ATP6V1H: variants seen among roughly 807,000 people sequenced by gnomAD.
The protein encoded by ATP6V1H is V-type proton ATPase subunit H.
Under a neutral mutation model 71.7 loss-of-function variants are expected in ATP6V1H, and 39 were observed. That is an observed-to-expected ratio of 0.54 (90% CI 0.42 to 0.71). The LOEUF is 0.71. Among genes scored for constraint, ATP6V1H ranks in the 30% least tolerant of loss-of-function variants. The pLI, the probability that ATP6V1H is intolerant of heterozygous loss-of-function variation, is 0.00. For synonymous variants in ATP6V1H, 192 were observed against 199.3 expected (o/e 0.96, Z 0.31); for missense variants, 509 against 594.9 (o/e 0.86, Z 1.50).
chr8:53,812,456 T>C (rs1281237389), intron 6 of ATP6V1H, among the ~76,000 whole-genome samples: 1 of 152,230 alleles, frequency 6.6e-6, no homozygotes, highest in Non-Finnish European at 1.5e-5. Context: ...TCCTCCCAGT[T>C]GTTGCACATC....
chr8:53,821,293 A>T, intron 4 of ATP6V1H, among the ~76,000 whole-genome samples: 1 of 151,546 alleles, frequency 6.6e-6, no homozygotes, highest in Non-Finnish European at 1.5e-5. Flanking sequence ...GACTCATTTG[A>T]ACCCGGGAGG....
At chr8:53,788,602 A>C (rs188562185) in intron 9 of ATP6V1H, among the ~76,000 whole-genome samples, 3 of 152,318 alleles carry the variant, frequency 2.0e-5, no homozygotes, top group East Asian at 3.9e-4. Flanking sequence ...CTGTTATTTC[A>C]TGGATTCCTT....
chr8:53,771,270 T>C (rs1049485842), intron 10 of ATP6V1H, among the ~76,000 whole-genome samples: 3 of 152,144 alleles, frequency 2.0e-5, no homozygotes, highest in Non-Finnish European at 2.9e-5. Context: ...CCAAGAGAAG[T>C]TTCTATTTCC....
intron 13 of ATP6V1H, among the ~76,000 whole-genome samples, chr8:53,733,463 C>A (rs187254601): frequency 1.3e-5 from 2 of 152,186 alleles, no homozygotes; most frequent in Non-Finnish European, 2.9e-5. Context: ...TGGGACACCC[C>A]ACAGCAACTG....
intron 9 of ATP6V1H, among the ~76,000 whole-genome samples, chr8:53,787,819 A>C (rs1282132877): frequency 6.6e-6 from 1 of 152,224 alleles, no homozygotes; most frequent in Non-Finnish European, 1.5e-5. Flanking sequence ...ATGCACTATG[A>C]ATAAGTGAGA....
intron 7 of ATP6V1H, among the ~76,000 whole-genome samples, chr8:53,806,145 A>G (rs2170444): frequency 0.18 from 27,300 of 152,112 alleles, 4,112 homozygotes; most frequent in African/African-American, 0.39. Flanking sequence ...AGTAAAAACT[A>G]GAACAAGAAT....
At chr8:53,835,441 G>A (rs1012034910) in intron 2 of ATP6V1H, among the ~76,000 whole-genome samples, 8 of 152,254 alleles carry the variant, frequency 5.3e-5, no homozygotes, top group Admixed American at 4.6e-4. Context: ...ACTTGCATAT[G>A]TCCTACTACT....
At chr8:53,728,216 T>C (rs11990316) in intron 13 of ATP6V1H, among the ~76,000 whole-genome samples, 5 of 152,184 alleles carry the variant, frequency 3.3e-5, no homozygotes, top group African/African-American at 9.7e-5. Flanking sequence ...AAGGTTCCCC[T>C]ACCTCAGCAG....
chr8:53,829,594 T>C (rs1411952277), intron 3 of ATP6V1H, 61 bp from the exon 4 acceptor site: 1 of 1,048,892 alleles, frequency 9.5e-7, no homozygotes, highest in African/African-American at 1.6e-5. Flanking sequence ...TCAATGGAAC[T>C]TCAGTAAAAC....
chr8:53,841,456 G>A, intron 2 of ATP6V1H, 122 bp downstream of exon 2: 1 of 1,161,208 alleles, frequency 8.6e-7, no homozygotes, highest in Non-Finnish European at 1.2e-6. Flanking sequence ...ATTCTGAAGA[G>A]GAAGTGTTTC....
At chr8:53,783,421 A>G (rs1442080197) in intron 9 of ATP6V1H, among the ~76,000 whole-genome samples, 2 of 151,078 alleles carry the variant, frequency 1.3e-5, no homozygotes, top group African/African-American at 4.9e-5. Context: ...TGTCTATTTG[A>G]TTCTTCTCTC....
chr8:53,813,968 A>G (rs1272499668), intron 6 of ATP6V1H, among the ~76,000 whole-genome samples: 1 of 152,158 alleles, frequency 6.6e-6, no homozygotes, highest in Non-Finnish European at 1.5e-5. Flanking sequence ...AGGTAGCTCC[A>G]GGCTCACCCA....
intron 13 of ATP6V1H, among the ~76,000 whole-genome samples, chr8:53,741,854 G>A (rs1807424019): frequency 6.6e-6 from 1 of 152,168 alleles, no homozygotes; most frequent in African/African-American, 2.4e-5. Flanking sequence ...TCTACCCCAA[G>A]TCCATCTACT....
At chr8:53,719,121 G>A (rs1013973119) in intron 13 of ATP6V1H, among the ~76,000 whole-genome samples, 2 of 152,100 alleles carry the variant, frequency 1.3e-5, no homozygotes, top group African/African-American at 2.4e-5. Flanking sequence ...TAACCTATAC[G>A]AACTTTGGGG....
chr8:53,831,452 T>C (rs1278009300), intron 3 of ATP6V1H, among the ~76,000 whole-genome samples: 1 of 152,242 alleles, frequency 6.6e-6, no homozygotes, highest in Non-Finnish European at 1.5e-5. Context: ...GTCCAACACT[T>C]ACCAAAACAT....
chr8:53,771,593 C>T (rs1808658215), intron 10 of ATP6V1H, among the ~76,000 whole-genome samples: 1 of 152,128 alleles, frequency 6.6e-6, no homozygotes, highest in African/African-American at 2.4e-5. Context: ...AATATTAAAA[C>T]ATGAGCCAAA....
chr8:53,817,468 C>T lies in ATP6V1H; in HGVS notation c.369G>A (p.Trp123Ter). 6.2e-7 allele frequency: 1 copy of T among 1,613,716 alleles called. No individual in the cohort carries two copies. The highest frequency in any genetic ancestry group is 8.5e-7 in the Non-Finnish European group (1 of 1,179,744). Residue 123 changes from tryptophan to a stop codon, truncating the protein, a stop_gained, in exon 5 of 14, where the codon TGG becomes TGA. Coordinates refer to ENST00000359530, the MANE Select transcript of ATP6V1H (RefSeq NM_015941.4). LOFTEE classifies it high-confidence loss of function. ...GATTCAACATTGGCAGAAAGTAGGG[C>T]CACGCAGTGTTCTTGCTACATCTTG... ...DYARCSKNTA[W>*]PYFLPMLNRQ...
intron 11 of ATP6V1H, 22 bp from the exon 12 acceptor site, chr8:53,756,678 G>A (rs770644424): frequency 6.4e-6 from 10 of 1,564,516 alleles, no homozygotes; most frequent in Non-Finnish European, 8.8e-6. Flanking sequence ...TTTATCCAAA[G>A]AGAGATCAAG....
At chr8:53,802,009 T>C (rs1809925725) in intron 7 of ATP6V1H, 113 bp from the exon 8 acceptor site, 6 of 849,572 alleles carry the variant, frequency 7.1e-6, no homozygotes, top group African/African-American at 5.1e-5. Flanking sequence ...CATCTGAGCA[T>C]CCAAAATTCC....
Sources: allele counts gnomAD v4.1 joint callset (sites outside exome capture counted in the v4.1 genomes callset), GRCh38; gene constraint gnomAD v4.1.1; transcripts MANE v1.5; gene names NCBI Gene and HGNC (gene_info 2026-07-23, HGNC 2026-07-21).